SLX4IP: variants seen among roughly 807,000 people sequenced by gnomAD.
SLX4IP encodes SLX4 interacting protein.
SLX4IP carries 34 observed loss-of-function variants against 32.9 expected under a neutral mutation model. The ratio of observed to expected loss-of-function variants is 1.03; its 90% CI spans 0.79 to 1.38. The LOEUF is 1.38. Ranked by LOEUF, SLX4IP falls within the 40% of genes most tolerant of loss-of-function variation. The probability of loss-of-function intolerance (pLI) is 0.00; values close to 1 mark genes in which losing one functional copy is unlikely to be tolerated. For synonymous variants in SLX4IP, 172 were observed against 171.7 expected, an observed-to-expected ratio of 1.00 and a Z score of -0.01; for missense variants, 444 against 479.0, an observed-to-expected ratio of 0.93 and a Z score of 0.68.
chr20:10,567,049 T>TG (rs2066403243), intron 4 of SLX4IP, among the ~76,000 whole-genome samples: 1 of 152,180 alleles, frequency 6.6e-6, no homozygotes, highest in South Asian at 2.1e-4. Context: ...GCTGGCAAAT[T>TG]GGGCATTTGG....
intron 1 of SLX4IP, among the ~76,000 whole-genome samples, chr20:10,445,932 GCTTTT>G (rs2065198777): frequency 7.9e-6 from 1 of 126,242 alleles, no homozygotes; most frequent in Non-Finnish European, 1.6e-5. Context: ...GGCTGAGATT[GCTTTT>G]TTTTTTTTTT....
rs138439030 is a variant in SLX4IP at position 10,556,129 on chromosome 20, C to T, written c.28-102C>T. 8.7e-4 allele frequency: 890 copies of T among 1,019,890 alleles called. 7 individuals are homozygous for T. The African/African-American group carries it at 0.012, about 14-fold the overall frequency. The allele number at this position is 1,019,890 out of a possible 1,614,324, so 63.2% of individuals were successfully genotyped here. A position where few individuals can be genotyped will look rare whatever the true frequency, so the allele number is the denominator to read the frequency against. ...TCTGTCTAGTAGTGAACTTTGTTGC[C>T]ATTTCATCATGAGCAACCACATAGG... On this transcript the variant is annotated intron_variant, in intron 2 of 7. Transcript: ENST00000334534.
At chr20:10,440,480 AAAT>A (rs1156311801) in intron 1 of SLX4IP, among the ~76,000 whole-genome samples, 4 of 151,344 alleles carry the variant, frequency 2.6e-5, no homozygotes, top group Non-Finnish European at 5.9e-5. Context: ...ACTAAAAAAT[AAAT>A]AAATAAATAT....
chr20:10,602,606 A>G (rs1283219215), intron 6 of SLX4IP, among the ~76,000 whole-genome samples: 2 of 152,230 alleles, frequency 1.3e-5, no homozygotes, highest in Non-Finnish European at 2.9e-5. Context: ...AAACAGGGAC[A>G]TATGACTTGA....
Position 10,623,017 on chromosome 20 carries a change from G to A in SLX4IP, c.865G>A (p.Val289Met). Residue 289 changes from valine to methionine, a missense_variant, in exon 8 of 8, where the codon GTG becomes ATG. Coordinates refer to ENST00000334534, the MANE Select transcript of SLX4IP (RefSeq NM_001009608.3). ...ASPCPKQSPRVAKTQQKRRNC... is the reference protein window; with the variant it reads ...ASPCPKQSPRMAKTQQKRRNC... Reference sequence around the variant, plus strand: ...ACCATGTCCAAAACAAAGTCCACGAGTGGCCAAAACCCAACAGAAACGCAG... The same window carrying A: ...ACCATGTCCAAAACAAAGTCCACGAATGGCCAAAACCCAACAGAAACGCAG... 2 of 1,614,194 alleles carry A rather than the reference G, an allele frequency of 1.2e-6. No individual in the cohort carries two copies. Among genetic ancestry groups the A allele is most frequent in the Non-Finnish European group, 8.5e-7 (1 of 1,180,044 alleles).
intron 1 of SLX4IP, among the ~76,000 whole-genome samples, chr20:10,444,750 G>C (rs2065187700): frequency 6.6e-6 from 1 of 152,120 alleles, no homozygotes. Flanking sequence ...TGGGGAGCTT[G>C]TTTGAGCCTT....
At chr20:10,588,631 T>C (rs2066672257) in intron 4 of SLX4IP, among the ~76,000 whole-genome samples, 1 of 152,202 alleles carries the variant, frequency 6.6e-6, no homozygotes, top group Non-Finnish European at 1.5e-5. Context: ...CTGGAGTGCA[T>C]TATGCTACAT....
intron 6 of SLX4IP, 104 bp from the exon 7 acceptor site, chr20:10,621,210 T>C (rs973794608): frequency 1.7e-5 from 18 of 1,037,210 alleles, no homozygotes; most frequent in Non-Finnish European, 2.5e-5. Context: ...TCATTCAGTC[T>C]TTACAAAAAT....
intron 2 of SLX4IP, among the ~76,000 whole-genome samples, chr20:10,488,385 G>T (rs1459772781): frequency 1.3e-5 from 2 of 152,126 alleles, no homozygotes; most frequent in African/African-American, 4.8e-5. Context: ...AGGAGAAGAG[G>T]CATGGAACAA....
At chr20:10,580,248 G>A (rs1239033588) in intron 4 of SLX4IP, among the ~76,000 whole-genome samples, 2 of 151,978 alleles carry the variant, frequency 1.3e-5, no homozygotes, top group Admixed American at 6.6e-5. Context: ...ACCCTTCCAG[G>A]CTTGTCCCCC....
chr20:10,590,890 T>C (rs545250161), intron 4 of SLX4IP, among the ~76,000 whole-genome samples: 1 of 152,292 alleles, frequency 6.6e-6, no homozygotes, highest in South Asian at 2.1e-4. Flanking sequence ...AGTTAGAGAT[T>C]GCAAACTGAC....
intron 2 of SLX4IP, among the ~76,000 whole-genome samples, chr20:10,469,631 A>G (rs935579737): frequency 4.3e-4 from 65 of 152,306 alleles, no homozygotes; most frequent in Non-Finnish European, 7.3e-4. Context: ...CAGAAAAGTA[A>G]ACTCAGGATC....
intron 1 of SLX4IP, among the ~76,000 whole-genome samples, chr20:10,435,660 A>T (rs2065104863): frequency 6.6e-6 from 1 of 152,122 alleles, no homozygotes; most frequent in African/African-American, 2.4e-5. Context: ...TACGGTGGAG[A>T]TATTATTCAG....
intron 1 of SLX4IP, among the ~76,000 whole-genome samples, chr20:10,443,653 A>AT (rs2065176487): frequency 6.6e-6 from 1 of 152,154 alleles, no homozygotes; most frequent in Non-Finnish European, 1.5e-5. Context: ...TGCCTGTGCC[A>AT]TAAGATGGAG....
chr20:10,613,901 T>C lies in SLX4IP; in HGVS notation c.406-7413T>C. On this transcript the variant is annotated intron_variant, in intron 6 of 7. Coordinates refer to ENST00000334534, the MANE Select transcript of SLX4IP (RefSeq NM_001009608.3). ...CTTGAACGTCCTCTAAAGATATCTT[T>C]TTAAAGAGTAGCCGCCAATACGCCT... The C allele has an allele frequency of 2.7e-6, 4 of 1,464,730 alleles. 1 individual carries two copies. The South Asian group carries it at 3.4e-5, about 13-fold the overall frequency. 90.7% of individuals were successfully genotyped at this position (1,464,730 alleles called of 1,614,324 possible).
chr20:10,595,225 A>G (rs17455843), intron 4 of SLX4IP, among the ~76,000 whole-genome samples: 27,023 of 152,038 alleles, frequency 0.18, 2,649 homozygotes, highest in South Asian at 0.24. Flanking sequence ...AGATGTTTCT[A>G]TTGCAAAGCT....
chr20:10,592,622 C>CTTTTTTTTTTTTTT (rs33995611), intron 4 of SLX4IP, among the ~76,000 whole-genome samples: 1 of 55,136 alleles, frequency 1.8e-5, no homozygotes, highest in Admixed American at 3.0e-4. Flanking sequence ...TATTCTTCAT[C>CTTTTTTTTTTTTTT]TTTTTTTTTT....
At chr20:10,471,032 G>C (rs1450956883) in intron 2 of SLX4IP, among the ~76,000 whole-genome samples, 2 of 152,180 alleles carry the variant, frequency 1.3e-5, no homozygotes, top group African/African-American at 4.8e-5. Context: ...AGCAGTGTCT[G>C]TTTTACAGGG....
chr20:10,611,230 G>C (rs528000668), intron 6 of SLX4IP, among the ~76,000 whole-genome samples: 10 of 152,286 alleles, frequency 6.6e-5, no homozygotes, highest in African/African-American at 2.4e-4. Context: ...TATTTGCAGA[G>C]GGCTGTCGCA....
Sources: gnomAD v4.1 joint callset for allele counts (sites outside exome capture counted in the v4.1 genomes callset) on GRCh38, gnomAD v4.1.1 for gene constraint, MANE v1.5 for transcripts, NCBI Gene and HGNC (gene_info 2026-07-23, HGNC 2026-07-21) for gene names.